Variants in PTPRD observed in about 807,000 individuals in gnomAD.
PTPRD encodes receptor-type tyrosine-protein phosphatase delta.
In PTPRD, 34 loss-of-function variants were observed where a neutral mutation model predicts 214.5. The ratio of observed to expected loss-of-function variants is 0.16; its 90% CI spans 0.12 to 0.21. The LOEUF (loss-of-function observed/expected upper bound fraction) is 0.21. Among genes scored for constraint, PTPRD ranks in the 10% least tolerant of loss-of-function variants. The pLI, the probability that PTPRD is intolerant of heterozygous loss-of-function variation, is 1.00. For missense variants in PTPRD, 2,545 were observed against 2,398.7 expected (o/e 1.06, Z -1.27); for synonymous variants, 1,128 against 845.7 (o/e 1.33, Z -5.79).
At chr9:9,971,511 C>T (rs1002692965) in intron 4 of PTPRD, among the ~76,000 whole-genome samples, 10 of 152,086 alleles carry the variant, frequency 6.6e-5, no homozygotes, top group Admixed American at 1.3e-4. Flanking sequence ...TAAAAAGCAA[C>T]AAAACTTCTC....
chr9:9,556,026 G>C (rs1366159039), intron 8 of PTPRD, among the ~76,000 whole-genome samples: 7 of 152,034 alleles, frequency 4.6e-5, no homozygotes, highest in Non-Finnish European at 7.4e-5. Context: ...GGACCCCACA[G>C]GTAGCCAAAA....
At chr9:10,510,237 T>C (rs2047533701) in intron 2 of PTPRD, among the ~76,000 whole-genome samples, 1 of 152,088 alleles carries the variant, frequency 6.6e-6, no homozygotes. Flanking sequence ...TATGATTCAT[T>C]GTTAATACAG....
At chr9:10,421,825 T>C (rs1016006097) in intron 2 of PTPRD, among the ~76,000 whole-genome samples, 8 of 151,834 alleles carry the variant, frequency 5.3e-5, no homozygotes, top group African/African-American at 1.9e-4. Flanking sequence ...TTTCTATTTT[T>C]ATATTTTTTT....
chr9:9,380,896 C>T (rs989185779), intron 9 of PTPRD, among the ~76,000 whole-genome samples: 4 of 152,062 alleles, frequency 2.6e-5, no homozygotes, highest in Admixed American at 6.6e-5. Flanking sequence ...ATAATTGTTA[C>T]GTCTTCTTGG....
At chr9:8,349,767 G>C (rs1210128914) in intron 39 of PTPRD, among the ~76,000 whole-genome samples, 1 of 152,092 alleles carries the variant, frequency 6.6e-6, no homozygotes, top group Non-Finnish European at 1.5e-5. Context: ...AAAGAGAACG[G>C]CAAGTTTAAA....
At chr9:10,596,425 T>G (rs965375367) in intron 2 of PTPRD, among the ~76,000 whole-genome samples, 1 of 151,748 alleles carries the variant, frequency 6.6e-6, no homozygotes, top group Non-Finnish European at 1.5e-5. Flanking sequence ...AGATTAAGCC[T>G]TTATAGTCAA....
At chr9:8,592,321 G>C (rs1226314458) in intron 14 of PTPRD, among the ~76,000 whole-genome samples, 5 of 151,958 alleles carry the variant, frequency 3.3e-5, no homozygotes, top group South Asian at 2.1e-4. Flanking sequence ...TATCCTTTCC[G>C]CTTTAGCTGA....
In PTPRD at chr9:9,644,260, T is replaced by C. The variant is rs1005578474; in HGVS notation, c.-286-69479A>G. On this transcript the variant is annotated intron_variant, in intron 7 of 45. Coordinates refer to ENST00000381196, the MANE Select transcript of PTPRD (RefSeq NM_002839.4). Reference sequence around the variant, plus strand: ...GTGCAGGAAATGGGGAGGTTTCAAGTGGTGAGGGCAGGCTGGAACTGGGAG... The same window carrying C: ...GTGCAGGAAATGGGGAGGTTTCAAGCGGTGAGGGCAGGCTGGAACTGGGAG... Among the ~76,000 whole-genome samples the C allele has an allele frequency of 3.9e-5, 6 of 151,990 alleles. No homozygotes were observed. In the East Asian group the frequency reaches 5.8e-4, roughly 15 times the overall value.
intron 39 of PTPRD, among the ~76,000 whole-genome samples, chr9:8,363,002 T>C (rs2133969584): frequency 6.6e-6 from 1 of 152,106 alleles, no homozygotes; most frequent in Middle Eastern, 3.4e-3. Context: ...CATTTTAAAA[T>C]TGCCTACTAT....
intron 9 of PTPRD, among the ~76,000 whole-genome samples, chr9:9,305,818 A>G (rs924877198): frequency 6.6e-6 from 1 of 152,156 alleles, no homozygotes. Flanking sequence ...CCATGTGCCA[A>G]TCAGAGATTA....
chr9:10,387,468 C>A (rs1257640013), intron 2 of PTPRD, among the ~76,000 whole-genome samples: 2 of 151,838 alleles, frequency 1.3e-5, no homozygotes, highest in Admixed American at 6.6e-5. Context: ...TAGCTTCCCA[C>A]TGTGAGGCTA....
At chr9:9,206,867 G>A (rs1395786778) in intron 9 of PTPRD, among the ~76,000 whole-genome samples, 1 of 152,144 alleles carries the variant, frequency 6.6e-6, no homozygotes, top group Admixed American at 6.5e-5. Flanking sequence ...ATGGCCTACT[G>A]TGGGACTTCA....
intron 8 of PTPRD, among the ~76,000 whole-genome samples, chr9:9,551,650 G>C (rs1410777046): frequency 6.6e-6 from 1 of 151,858 alleles, no homozygotes; most frequent in African/African-American, 2.4e-5. Context: ...CTTTCATCAA[G>C]CCTTCTTTAA....
At chr9:8,997,661 T>C (rs1391412764) in intron 11 of PTPRD, among the ~76,000 whole-genome samples, 1 of 152,042 alleles carries the variant, frequency 6.6e-6, no homozygotes, top group African/African-American at 2.4e-5. Context: ...AGTGTTCAAG[T>C]GAAAGGAAGA....
intron 11 of PTPRD, among the ~76,000 whole-genome samples, chr9:8,748,202 G>A (rs1015280398): frequency 3.3e-5 from 5 of 152,132 alleles, no homozygotes; most frequent in Non-Finnish European, 7.4e-5. Flanking sequence ...GGGACTGAGA[G>A]ACAGGACTAG....
chr9:10,207,929 G>A (rs1055710076), intron 3 of PTPRD, among the ~76,000 whole-genome samples: 1 of 152,166 alleles, frequency 6.6e-6, no homozygotes, highest in African/African-American at 2.4e-5. Context: ...GCTACATTTA[G>A]CAGTGCATCA....
intron 3 of PTPRD, among the ~76,000 whole-genome samples, chr9:10,108,065 T>C (rs1413884384): frequency 1.3e-5 from 2 of 152,094 alleles, no homozygotes; most frequent in Non-Finnish European, 2.9e-5. Flanking sequence ...AGGATGGATG[T>C]TGTGGGAATA....
chr9:8,459,100 G>T (rs2096301003), intron 33 of PTPRD, among the ~76,000 whole-genome samples: 1 of 152,020 alleles, frequency 6.6e-6, no homozygotes, highest in Admixed American at 6.6e-5. Context: ...GTCAAGATAA[G>T]AGGTTATGGG....
intron 30 of PTPRD, among the ~76,000 whole-genome samples, chr9:8,482,143 A>G (rs2096900472): frequency 6.6e-6 from 1 of 152,152 alleles, no homozygotes. Context: ...CTGATATTTC[A>G]TATTAATACA....
Sources: gnomAD v4.1 joint callset for allele counts (sites outside exome capture counted in the v4.1 genomes callset) on GRCh38, gnomAD v4.1.1 for gene constraint, MANE v1.5 for transcripts, NCBI Gene and HGNC (gene_info 2026-07-23, HGNC 2026-07-21) for gene names.